The following DAPK1 variants were observed in gnomAD, a reference collection of about 807,000 sequenced individuals.
The protein encoded by DAPK1 is death associated protein kinase 1.
Under a neutral mutation model 144.9 loss-of-function variants are expected in DAPK1, and 56 were observed. The ratio of observed to expected loss-of-function variants is 0.39; its 90% CI spans 0.31 to 0.48. The LOEUF (loss-of-function observed/expected upper bound fraction) is 0.48, where lower values mean the gene tolerates loss of function less well. DAPK1 is among the 20% of genes least tolerant of loss of function. DAPK1 has a pLI of 0.95. For synonymous variants in DAPK1, 690 were observed against 749.0 expected, an observed-to-expected ratio of 0.92 and a Z score of 1.29; for missense variants, 1,454 against 1,875.4, an observed-to-expected ratio of 0.78 and a Z score of 4.15.
At chr9:87,513,708 T>C (rs1185256960) in intron 2 of DAPK1, among the ~76,000 whole-genome samples, 2 of 152,106 alleles carry the variant, frequency 1.3e-5, no homozygotes, top group African/African-American at 4.8e-5. Flanking sequence ...GGAAATTGGG[T>C]GGTGGGTGGT....
At chr9:87,597,796 G>C (rs532408330) in intron 2 of DAPK1, among the ~76,000 whole-genome samples, 29 of 152,218 alleles carry the variant, frequency 1.9e-4, no homozygotes, top group African/African-American at 6.5e-4. Context: ...GAAATACGAA[G>C]TAGGCTCTTT....
intron 2 of DAPK1, among the ~76,000 whole-genome samples, chr9:87,568,192 A>T (rs1053307590): frequency 6.6e-6 from 1 of 152,252 alleles, no homozygotes; most frequent in African/African-American, 2.4e-5. Flanking sequence ...GCACGGGGCC[A>T]TCTGAAGGGG....
At chr9:87,507,513 G>A (rs1342696442) in intron 2 of DAPK1, among the ~76,000 whole-genome samples, 1 of 152,204 alleles carries the variant, frequency 6.6e-6, no homozygotes, top group Non-Finnish European at 1.5e-5. Context: ...TGTTCACGGG[G>A]CTTTTACCTT....
intron 19 of DAPK1, among the ~76,000 whole-genome samples, chr9:87,680,548 G>A (rs1824570902): frequency 6.6e-6 from 1 of 152,142 alleles, no homozygotes; most frequent in Non-Finnish European, 1.5e-5. Context: ...AGTAAGATAA[G>A]GTTCCTATTC....
intron 3 of DAPK1, among the ~76,000 whole-genome samples, chr9:87,608,345 A>G (rs926615371): frequency 5.9e-5 from 9 of 152,222 alleles, no homozygotes; most frequent in African/African-American, 1.9e-4. Flanking sequence ...ATTACTGAGT[A>G]GTATTTCATT....
chr9:87,614,914 G>A (rs1330639384), intron 3 of DAPK1, among the ~76,000 whole-genome samples: 1 of 152,184 alleles, frequency 6.6e-6, no homozygotes, highest in Admixed American at 6.5e-5. Flanking sequence ...CCACATCCAG[G>A]TCTTGCTGTG....
At chr9:87,678,380 G>C (rs146631168) in intron 19 of DAPK1, among the ~76,000 whole-genome samples, 1 of 152,220 alleles carries the variant, frequency 6.6e-6, no homozygotes, top group Non-Finnish European at 1.5e-5. Flanking sequence ...GAGGAGGCTG[G>C]GAAACCCAGC....
At chr9:87,659,976 G>A (rs1002004080) in intron 18 of DAPK1, among the ~76,000 whole-genome samples, 1 of 152,158 alleles carries the variant, frequency 6.6e-6, no homozygotes, top group Non-Finnish European at 1.5e-5. Flanking sequence ...CACTGAATGG[G>A]ACCGCGTGGT....
intron 15 of DAPK1, among the ~76,000 whole-genome samples, 194 bp downstream of exon 15, chr9:87,649,073 A>G (rs1830359280): frequency 6.6e-6 from 1 of 152,268 alleles, no homozygotes; most frequent in Non-Finnish European, 1.5e-5. Flanking sequence ...TGCCAGGATC[A>G]GGTCTAACCA....
At position 87,499,106 on chromosome 9, in the gene DAPK1, A is replaced by T; in HGVS notation, c.29A>T (p.Asp10Val). 3 of 1,613,962 alleles carry T rather than the reference A, an allele frequency of 1.9e-6. No homozygotes were observed. Among genetic ancestry groups the T allele is most frequent in the Non-Finnish European group, 2.5e-6 (3 of 1,179,970 alleles). ...ACCGTGTTCAGGCAGGAAAACGTGG[A>T]TGATTACTACGACACCGGCGAGGAA... is the stretch of plus-strand genomic sequence containing the variant. The part of the protein sequence containing the change: MTVFRQENV[D>V]DYYDTGEELG... Residue 10 changes from aspartate to valine, a missense_variant, in exon 2 of 26, where the codon GAT becomes GTT. By Grantham distance (152) the Asp-to-Val change is radical. Around this residue, in one of 2 missense-constraint regions of DAPK1, gnomAD observed 429 missense variants for 637.5 expected, o/e 0.67. Transcript: ENST00000408954.
Position 87,624,512 on chromosome 9 carries a change from C to T in DAPK1, c.285-13431C>T, listed in dbSNP as rs536812714. ...GCACAGAACTTGCTCAGATTCAAGGCGATGCAGCAAAAGAGACCACAGCTC... is the reference window on the plus strand; with the variant it reads ...GCACAGAACTTGCTCAGATTCAAGGTGATGCAGCAAAAGAGACCACAGCTC... On this transcript the variant is annotated intron_variant, in intron 3 of 25. Coordinates refer to ENST00000408954, the MANE Select transcript of DAPK1 (RefSeq NM_004938.4). Among the ~76,000 whole-genome samples the T allele has an allele frequency of 3.9e-5, 6 of 152,298 alleles. No homozygotes were observed. The East Asian group carries it at 7.7e-4, about 20-fold the overall frequency.
intron 16 of DAPK1, 69 bp from the exon 17 acceptor site, chr9:87,651,458 A>G (rs1181226107): frequency 6.7e-7 from 1 of 1,485,984 alleles, no homozygotes; most frequent in Non-Finnish European, 9.4e-7. Context: ...ATGGCGGCAG[A>G]AAAGGTGAAG....
intron 21 of DAPK1, among the ~76,000 whole-genome samples, chr9:87,687,350 C>A (rs1342760203): frequency 1.3e-5 from 2 of 152,158 alleles, no homozygotes; most frequent in African/African-American, 4.8e-5. Context: ...ATAAAATCAA[C>A]TTTTTTAGCT....
intron 23 of DAPK1, 102 bp from the exon 24 acceptor site, chr9:87,700,015 T>G: frequency 1.1e-6 from 1 of 942,274 alleles, no homozygotes; most frequent in South Asian, 1.5e-5. Context: ...AGAACTTTCC[T>G]TCCCTCCTAC....
At chr9:87,550,344 A>G (rs1162974317) in intron 2 of DAPK1, among the ~76,000 whole-genome samples, 1 of 152,262 alleles carries the variant, frequency 6.6e-6, no homozygotes, top group Non-Finnish European at 1.5e-5. Context: ...GGGCTGTTAT[A>G]ACAAAATACC....
At chr9:87,558,113 T>C (rs767531103) in intron 2 of DAPK1, among the ~76,000 whole-genome samples, 1 of 152,178 alleles carries the variant, frequency 6.6e-6, no homozygotes, top group East Asian at 1.9e-4. Context: ...AGTGTGGTAA[T>C]GGGCAGTTAG....
At chr9:87,641,494 C>T (rs1327143567) in intron 9 of DAPK1, among the ~76,000 whole-genome samples, 1 of 152,202 alleles carries the variant, frequency 6.6e-6, no homozygotes, top group East Asian at 1.9e-4. Context: ...CCTGGGTTCT[C>T]CTAGCCAGCT....
At chr9:87,617,962 T>G (rs781117970) in intron 3 of DAPK1, among the ~76,000 whole-genome samples, 153 of 152,346 alleles carry the variant, frequency 1.0e-3, no homozygotes, top group Non-Finnish European at 2.0e-3. Flanking sequence ...GGCACACATC[T>G]AGTCTTCCGT....
intron 2 of DAPK1, among the ~76,000 whole-genome samples, chr9:87,532,748 C>T (rs970709830): frequency 6.6e-6 from 1 of 152,116 alleles, no homozygotes; most frequent in African/African-American, 2.4e-5. Context: ...CTCACCTCTC[C>T]CTCTTTTCTT....
Sources: allele counts gnomAD v4.1 joint callset (sites outside exome capture counted in the v4.1 genomes callset), GRCh38; gene constraint gnomAD v4.1.1; regional missense constraint gnomAD v4.1.1; transcripts MANE v1.5; gene names NCBI Gene and HGNC (gene_info 2026-07-23, HGNC 2026-07-21).